Variants in ANKRD65 observed in about 807,000 individuals in gnomAD.
The protein encoded by ANKRD65 is ankyrin repeat domain-containing protein 65.
A neutral mutation model predicts 17.2 loss-of-function variants in ANKRD65; 26 were observed. That is an observed-to-expected ratio of 1.51 (90% CI 1.11 to 2.09). The LOEUF (loss-of-function observed/expected upper bound fraction) is 2.09, where lower values mean the gene tolerates loss of function less well. ANKRD65 is among the 30% of genes most tolerant of loss of function. ANKRD65 has a pLI of 0.00. For synonymous variants in ANKRD65, 311 were observed against 272.2 expected (o/e 1.14, Z -1.40); for missense variants, 621 against 542.2 (o/e 1.15, Z -1.44).
In ANKRD65 at chr1:1,419,213, GA is replaced by G. The variant is rs1557757801; in HGVS notation, c.1086del (p.Leu363CysfsTer33). ...GLLLSRGASP[T>X]LRTQWAEVAQ... ...GCCACCTCGGCCCACTGCGTCCGCA[GA>G]GTGGGGCTGGCCCCTCGGCTCAGCA... On this transcript the variant is annotated frameshift_variant, in exon 4 of 4. Coordinates refer to ENST00000537107, the MANE Select transcript of ANKRD65 (RefSeq NM_001145210.3). LOFTEE classifies it low-confidence loss of function (END_TRUNC). 6.5e-7 allele frequency: 1 copy of G among 1,550,152 alleles called. No individual in the cohort carries two copies. Among genetic ancestry groups the G allele is most frequent in the Admixed American group, 2.0e-5 (1 of 51,004 alleles).
rs1645486858 is a variant in ANKRD65 at position 1,418,669 on chromosome 1, T to C, written c.*431A>G. ...TCTTCTATACAATGTCTGGAATCTA[T>C]GAATAACATCGGTTTCTAAGTTATG... On this transcript the variant is annotated 3_prime_UTR_variant, in exon 4 of 4. Coordinates refer to ENST00000537107, the MANE Select transcript of ANKRD65 (RefSeq NM_001145210.3). 1 of 159,394 alleles carries C rather than the reference T, an allele frequency of 6.3e-6. No homozygotes were observed. The highest frequency in any genetic ancestry group is 1.4e-5 in the Non-Finnish European group (1 of 73,446). 9.9% of individuals were successfully genotyped at this position (159,394 alleles called of 1,614,324 possible). A position where few individuals can be genotyped will look rare whatever the true frequency, so the allele number is the denominator to read the frequency against.
At chr1:1,421,058 C>G (rs1264382712) in intron 1 of ANKRD65, 53 bp from the exon 2 acceptor site, 1 of 1,520,082 alleles carries the variant, frequency 6.6e-7, no homozygotes, top group Non-Finnish European at 8.9e-7. Context: ...GGCCTGCCCC[C>G]AGCCGTGTCC....
intron 3 of ANKRD65, among the ~76,000 whole-genome samples, 178 bp downstream of exon 3, chr1:1,419,874 C>T (rs1159843776): frequency 6.6e-6 from 1 of 152,184 alleles, no homozygotes; most frequent in Non-Finnish European, 1.5e-5. Context: ...GGCCTCGGAT[C>T]CCGCCCTGGT....
Position 1,420,187 on chromosome 1 carries a change from G to T in ANKRD65, c.615C>A (p.Gly205=). The T allele has an allele frequency of 9.8e-7, 1 of 1,018,986 alleles. No homozygotes were observed. The allele number at this position is 1,018,986 out of a possible 1,614,324, so 63.1% of individuals were successfully genotyped here. Residue 205 remains glycine (G), a synonymous_variant, in exon 3 of 4, where the codon GGC becomes GGA. Coordinates refer to ENST00000537107, the MANE Select transcript of ANKRD65 (RefSeq NM_001145210.3). ...LLAAGGAGLD[G]ALLVAAAAGR... is the part of the protein sequence containing the mutation. ...CCGCAGCGGCAGCCACGAGCAGGGC[G>T]CCGTCCAGGCCCGCGCCGCCGGCCG...
chr1:1,420,341 A>C lies in ANKRD65; in HGVS notation c.461T>G (p.Leu154Arg). The change falls in exon 3 of 4, where the codon CTG (leucine) becomes CGG (arginine). Residue 154 changes from leucine (L) to arginine (R), a missense_variant. By Grantham distance (102) the Leu-to-Arg change is moderately radical. Transcript: ENST00000537107. ...AGCCTCCAGCAGGCGCGCGGCCAGC[A>C]GCGTGTGGCCCAGGGCAGCGGCCCA... ...LHWAAALGHT[L>R]LAARLLEAPG... 1 of 1,169,500 alleles carries C rather than the reference A, an allele frequency of 8.6e-7. No homozygotes were observed. Among genetic ancestry groups the C allele is most frequent in the Admixed American group, 4.3e-5 (1 of 23,416 alleles). The allele number at this position is 1,169,500 out of a possible 1,614,324, so 72.4% of individuals were successfully genotyped here. A position where few individuals can be genotyped will look rare whatever the true frequency, so the allele number is the denominator to read the frequency against.
In ANKRD65 at chr1:1,419,339, G is replaced by A. The variant is rs1456804652; in HGVS notation, c.961C>T (p.Leu321=). ...TCCACCTGGGCACCCCTGTCCAGCA[G>A]GCAGCCGGCAACCTCCACGTGGCCT... is the stretch of plus-strand genomic sequence containing the variant. ...REGHVEVAGC[L]LDRGAQVDAT... is the part of the protein sequence containing the mutation. Residue 321 remains leucine (L), a synonymous_variant, in exon 4 of 4, where the codon CTG becomes TTG. Coordinates refer to ENST00000537107, the MANE Select transcript of ANKRD65 (RefSeq NM_001145210.3). The A allele has an allele frequency of 6.5e-7, 1 of 1,550,382 alleles. No individual in the cohort carries two copies. The highest frequency in any genetic ancestry group is 8.7e-7 in the Non-Finnish European group (1 of 1,146,860).
At position 1,420,579 on chromosome 1, in the gene ANKRD65, G is replaced by A. The variant is rs1645535701; in HGVS notation, c.223C>T (p.Arg75Trp). The A allele has an allele frequency of 4.3e-6, 6 of 1,389,340 alleles. No individual in the cohort carries two copies. Among genetic ancestry groups the A allele is most frequent in the South Asian group, 1.7e-5 (1 of 57,292 alleles). The allele number at this position is 1,389,340 out of a possible 1,614,324, so 86.1% of individuals were successfully genotyped here. A position where few individuals can be genotyped will look rare whatever the true frequency, so the allele number is the denominator to read the frequency against. Residue 75 changes from arginine to tryptophan, a missense_variant, in exon 3 of 4, where the codon CGG (arginine) becomes TGG (tryptophan). Transcript: ENST00000537107. ...ASVEERDHAG[R>W]TPLHLAVLRG... is the part of the protein sequence containing the mutation. The stretch of plus-strand genomic sequence containing the variant: ...AGCACGGCCAGGTGGAGCGGGGTCC[G>A]GCCTGCGTGGTCCCTGAGGAGGGGG...
In ANKRD65 at chr1:1,420,979, T is replaced by G. The variant is rs1234141872; in HGVS notation, c.27A>C (p.Arg9Ser). Residue 9 changes from arginine to serine, a missense_variant, in exon 2 of 4, where the codon AGA becomes AGC. Transcript: ENST00000537107. The stretch of plus-strand genomic sequence containing the variant: ...GTTCCTGTTCCTCCTCCTCCTCCTC[T>G]CTGGGCTCAGGCCTCTGGGAGTCCA... MDSQRPEP[R>S]EEEEEEQELR... 13 of 1,550,446 alleles carry G rather than the reference T, an allele frequency of 8.4e-6. No homozygotes were observed. The highest frequency in any genetic ancestry group is 1.1e-5 in the Non-Finnish European group (13 of 1,146,914).
intron 1 of ANKRD65, 28 bp from the exon 2 acceptor site, chr1:1,421,033 A>G (rs1276920484): frequency 1.3e-6 from 2 of 1,548,078 alleles, no homozygotes; most frequent in East Asian, 2.4e-5. Context: ...TCCTACATCC[A>G]CTGTGGAGGC....
Position 1,420,126 on chromosome 1 carries a change from C to G in ANKRD65, c.676G>C (p.Gly226Arg), listed in dbSNP as rs1174428688. 4.0e-6 allele frequency: 5 copies of G among 1,253,470 alleles called. No homozygotes were observed. The highest frequency in any genetic ancestry group is 3.4e-5 in the East Asian group (1 of 29,138). The allele number at this position is 1,253,470 out of a possible 1,614,324, so 77.6% of individuals were successfully genotyped here. Residue 226 changes from glycine to arginine, a missense_variant, in exon 3 of 4, where the codon GGG (glycine) becomes CGG (arginine). By Grantham distance (125) the Gly-to-Arg change is moderately radical. Coordinates refer to ENST00000537107, the MANE Select transcript of ANKRD65 (RefSeq NM_001145210.3). Reference sequence around the variant, plus strand: ...CCATCCCGGGCGTCCACCCGCGCCCCGCGCGCCAGGAGGAAGCGCAGCGCC... The same window carrying G: ...CCATCCCGGGCGTCCACCCGCGCCCGGCGCGCCAGGAGGAAGCGCAGCGCC... ...GAALRFLLAR[G>R]ARVDARDGAG...
Position 1,420,131 on chromosome 1 carries a change from G to T in ANKRD65, c.671C>A (p.Ala224Glu). The T allele has an allele frequency of 8.0e-7, 1 of 1,249,596 alleles. No homozygotes were observed. Among genetic ancestry groups the T allele is most frequent in the Non-Finnish European group, 1.0e-6 (1 of 997,544 alleles). 77.4% of individuals were successfully genotyped at this position (1,249,596 alleles called of 1,614,324 possible). Reference protein sequence around the residue: ...GRGAALRFLLARGARVDARDG... With the variant: ...GRGAALRFLLERGARVDARDG... The stretch of plus-strand genomic sequence containing the variant: ...CCGGGCGTCCACCCGCGCCCCGCGC[G>T]CCAGGAGGAAGCGCAGCGCCGCCCC... Residue 224 changes from alanine to glutamate, a missense_variant, in exon 3 of 4, where the codon GCG becomes GAG. Physicochemically the swap from Ala to Glu is moderately radical, Grantham distance 107. Transcript: ENST00000537107.
chr1:1,421,128 G>T lies in ANKRD65; in HGVS notation c.-1+5C>A. 1.0e-6 allele frequency: 1 copy of T among 991,182 alleles called. No individual in the cohort carries two copies. The highest frequency in any genetic ancestry group is 1.5e-6 in the Non-Finnish European group (1 of 672,818). The allele number at this position is 991,182 out of a possible 1,614,324, so 61.4% of individuals were successfully genotyped here. On this transcript the variant is annotated splice_donor_5th_base_variant and intron_variant, in intron 1 of 3. Coordinates refer to ENST00000537107, the MANE Select transcript of ANKRD65 (RefSeq NM_001145210.3). ...TTAGCCTTCAGAGGGGCTTGGCTCT[G>T]TTACCCAAGGGAGCTGGCTCAGGAG...
intron 2 of ANKRD65, 70 bp from the exon 3 acceptor site, chr1:1,420,662 T>TGCCCCACCCCGC: frequency 1.3e-6 from 1 of 777,278 alleles, no homozygotes; most frequent in Non-Finnish European, 1.6e-6. Context: ...CCCCACCCCG[T>TGCCCCACCCCGC]CCTGCCGCCC....
At position 1,420,035 on chromosome 1, in the gene ANKRD65, C is replaced by T. The variant is rs941567859; in HGVS notation, c.750+17G>A. The stretch of plus-strand genomic sequence containing the variant: ...TGCGCCCCCTCCCATCACTGCCGGG[C>T]GGAGGGCGGGACGTACCTGGGAGCG... On this transcript the variant is annotated intron_variant, in intron 3 of 3. Transcript: ENST00000537107. 7.1e-6 allele frequency: 9 copies of T among 1,265,028 alleles called. No individual in the cohort carries two copies. The highest frequency in any genetic ancestry group is 9.0e-6 in the Non-Finnish European group (9 of 1,004,482). 78.4% of individuals were successfully genotyped at this position (1,265,028 alleles called of 1,614,324 possible). A position where few individuals can be genotyped will look rare whatever the true frequency, so the allele number is the denominator to read the frequency against.
At chr1:1,421,063 G>A (rs1034540762) in intron 1 of ANKRD65, 58 bp from the exon 2 acceptor site, 62 of 1,512,604 alleles carry the variant, frequency 4.1e-5, no homozygotes, top group Non-Finnish European at 4.8e-5. Flanking sequence ...GCCCCCAGCC[G>A]TGTCCCAGGC....
intron 2 of ANKRD65, 88 bp downstream of exon 2, chr1:1,420,709 G>A (rs1346630618): frequency 1.5e-6 from 2 of 1,326,014 alleles, no homozygotes; most frequent in Non-Finnish European, 2.0e-6. Context: ...CCCATCCAGA[G>A]AAGGGACTCC....
intron 2 of ANKRD65, 27 bp downstream of exon 2, chr1:1,420,770 C>T (rs1434292687): frequency 1.3e-6 from 2 of 1,527,312 alleles, no homozygotes; most frequent in African/African-American, 1.4e-5. Flanking sequence ...AGAGAAGGGA[C>T]CCCTTCACCC....
chr1:1,419,706 C>T (rs1030894846), intron 3 of ANKRD65, among the ~76,000 whole-genome samples, 157 bp from the exon 4 acceptor site: 1 of 152,230 alleles, frequency 6.6e-6, no homozygotes, highest in African/African-American at 2.4e-5. Context: ...CAAGGCTGGC[C>T]TGCTTGGAAA....
intron 3 of ANKRD65, 106 bp downstream of exon 3, chr1:1,419,946 C>G: frequency 8.7e-7 from 1 of 1,152,362 alleles, no homozygotes; most frequent in South Asian, 3.4e-5. Flanking sequence ...GCCTTCGTGC[C>G]TGGACACCGT....
Sources: allele counts gnomAD v4.1 joint callset (sites outside exome capture counted in the v4.1 genomes callset), GRCh38; gene constraint gnomAD v4.1.1; transcripts MANE v1.5; gene names NCBI Gene and HGNC (gene_info 2026-07-23, HGNC 2026-07-21).